SLFN12L: variants seen among roughly 807,000 people sequenced by gnomAD.
The protein encoded by SLFN12L is schlafen family member 12 like.
A neutral mutation model predicts 34.8 loss-of-function variants in SLFN12L; 34 were observed. The observed-to-expected ratio is 0.98, with a 90% CI of 0.74 to 1.30. The LOEUF (loss-of-function observed/expected upper bound fraction) is 1.30. Among genes scored for constraint, SLFN12L ranks in the 50% most tolerant of loss-of-function variants. The probability of loss-of-function intolerance (pLI) is 0.00; values close to 1 mark genes in which losing one functional copy is unlikely to be tolerated. For synonymous variants in SLFN12L, 259 were observed against 247.5 expected, an observed-to-expected ratio of 1.05 and a Z score of -0.44; for missense variants, 703 against 696.2, an observed-to-expected ratio of 1.01 and a Z score of -0.11.
chr17:35,513,448 C>G (rs1915719598), intron 2 of SLFN12L, among the ~76,000 whole-genome samples: 1 of 152,188 alleles, frequency 6.6e-6, no homozygotes, highest in South Asian at 2.1e-4. Flanking sequence ...TAGGAAAAGT[C>G]TTTGGGATCT....
At position 35,479,634 on chromosome 17, in the gene SLFN12L, T is replaced by C. The variant is rs767141704; in HGVS notation, c.648A>G (p.Glu216=). 1.1e-4 allele frequency: 175 copies of C among 1,611,058 alleles called. No homozygotes were observed. Among genetic ancestry groups the C allele is most frequent in the Non-Finnish European group, 1.4e-4 (166 of 1,178,506 alleles). ...AKRACVDVQE[E]SNMEALAADF... is the part of the protein sequence containing the mutation. Reference sequence around the variant, plus strand: ...CAGCAGCCAAGGCTTCCATGTTACTTTCTTCTTGTACATCAACACAGGCCC... The same window carrying C: ...CAGCAGCCAAGGCTTCCATGTTACTCTCTTCTTGTACATCAACACAGGCCC... The change falls in exon 3 of 5, where the codon GAA becomes GAG. Residue 216 remains glutamate (E), a synonymous_variant. Coordinates refer to ENST00000628453, the MANE Select transcript of SLFN12L (RefSeq NM_001363830.2).
At chr17:35,534,415 A>G (rs926023990) in intron 1 of SLFN12L, among the ~76,000 whole-genome samples, 4 of 152,310 alleles carry the variant, frequency 2.6e-5, no homozygotes, top group South Asian at 2.1e-4. Context: ...AGGAAGACAC[A>G]GCATCAGATG....
In SLFN12L at chr17:35,487,259, G is replaced by T. The variant is rs935794305; in HGVS notation, c.87-7064C>A. On this transcript the variant is annotated intron_variant, in intron 2 of 4. Coordinates refer to ENST00000628453, the MANE Select transcript of SLFN12L (RefSeq NM_001363830.2). ...CCCGGCCGCCCTGCGGCTTTTTAAG[G>T]CGCTCCCCAGCCCACGCACGGGCGG... Among the ~76,000 whole-genome samples the T allele has an allele frequency of 1.2e-4, 19 of 152,384 alleles. No homozygotes were observed. The East Asian group carries it at 3.7e-3, about 29-fold the overall frequency.
At chr17:35,502,913 A>C (rs1316470022) in intron 2 of SLFN12L, among the ~76,000 whole-genome samples, 1 of 152,244 alleles carries the variant, frequency 6.6e-6, no homozygotes, top group Non-Finnish European at 1.5e-5. Flanking sequence ...GGTTGTTTAA[A>C]GAAAGAAATG....
rs941558682 is a variant in SLFN12L, at chr17:35,470,987, G to A, written c.*3936C>T. Among the ~76,000 whole-genome samples the A allele has an allele frequency of 6.6e-6, 1 of 152,094 alleles. No homozygotes were observed. The highest frequency in any genetic ancestry group is 2.4e-5 in the African/African-American group (1 of 41,414). On this transcript the variant is annotated 3_prime_UTR_variant, in exon 5 of 5. Transcript: ENST00000628453. ...TCATCCATGTCCCTGCAAAGGTCAT[G>A]ATCTCATTCCTTTTTATGGCTGCAC...
Position 35,479,707 on chromosome 17 carries a change from T to C in SLFN12L, c.575A>G (p.Glu192Gly). 1 of 1,614,076 alleles carries C rather than the reference T, an allele frequency of 6.2e-7. No individual in the cohort carries two copies. The highest frequency in any genetic ancestry group is 8.5e-7 in the Non-Finnish European group (1 of 1,179,970). ...TAAATATGCTCTCCCTCCAGTTTTT[T>C]CCATGTCTTTGAGGAACTCCAGTGC... is the stretch of plus-strand genomic sequence containing the variant. ...SAALEFLKDM[E>G]KTGGRAYLRP... is the part of the protein sequence containing the mutation. Residue 192 changes from glutamate (E) to glycine (G), a missense_variant, in exon 3 of 5, where the codon GAA becomes GGA. By Grantham distance (98) the Glu-to-Gly change is moderately conservative. Transcript: ENST00000628453.
intron 2 of SLFN12L, chr17:35,490,241 A>T (rs1298157622): frequency 3.9e-6 from 6 of 1,551,680 alleles, no homozygotes; most frequent in Non-Finnish European, 5.3e-6. Flanking sequence ...GCTAGGAGAA[A>T]GCGGTCATCA....
chr17:35,496,669 TTC>T (rs1249499718), intron 2 of SLFN12L, among the ~76,000 whole-genome samples: 1 of 152,154 alleles, frequency 6.6e-6, no homozygotes, highest in Non-Finnish European at 1.5e-5. Context: ...GGCGTCTGTC[TTC>T]GCGGTGGCAG....
chr17:35,520,468 G>T (rs548629017), intron 2 of SLFN12L, among the ~76,000 whole-genome samples: 1 of 152,298 alleles, frequency 6.6e-6, no homozygotes, highest in East Asian at 1.9e-4. Context: ...CTACTGGCTG[G>T]GCACGATGGC....
chr17:35,487,889 A>G (rs1022880846), intron 2 of SLFN12L: 6 of 826,524 alleles, frequency 7.3e-6, no homozygotes, highest in Non-Finnish European at 1.2e-5. Flanking sequence ...GCTGTTATCG[A>G]CTCTGCGCCT....
At chr17:35,488,549 G>T (rs1246427716) in intron 2 of SLFN12L, among the ~76,000 whole-genome samples, 1 of 152,082 alleles carries the variant, frequency 6.6e-6, no homozygotes, top group East Asian at 1.9e-4. Flanking sequence ...GATAATACAC[G>T]TTTCTCCAGC....
At chr17:35,531,977 T>C (rs1302769249) in intron 1 of SLFN12L, among the ~76,000 whole-genome samples, 1 of 152,078 alleles carries the variant, frequency 6.6e-6, no homozygotes, top group Non-Finnish European at 1.5e-5. Context: ...TTATTTTGTA[T>C]GAAATAGAAA....
At position 35,469,303 on chromosome 17, in the gene SLFN12L, A is replaced by AT. The variant is rs1567635844; in HGVS notation, c.*5619_*5620insA. On this transcript the variant is annotated 3_prime_UTR_variant, in exon 5 of 5. Coordinates refer to ENST00000628453, the MANE Select transcript of SLFN12L (RefSeq NM_001363830.2). ...GTTTTATATAAAATATATATATATAAAATATATATATATTATATATATAAA... is the reference window on the plus strand; with the variant it reads ...GTTTTATATAAAATATATATATATAATAATATATATATATTATATATATAAA... Among the ~76,000 whole-genome samples, 877 of 135,764 alleles carry AT rather than the reference A, an allele frequency of 6.5e-3. 10 individuals carry two copies. The highest frequency in any genetic ancestry group is 0.024 in the African/African-American group (830 of 34,778). The allele number at this position is 135,764 out of a possible 152,430, so 89.1% of individuals were successfully genotyped here. A position where few individuals can be genotyped will look rare whatever the true frequency, so the allele number is the denominator to read the frequency against.
At chr17:35,535,529 C>T (rs1270304218) in intron 1 of SLFN12L, among the ~76,000 whole-genome samples, 1 of 150,752 alleles carries the variant, frequency 6.6e-6, no homozygotes, top group African/African-American at 2.4e-5. Flanking sequence ...CTCTGTCATC[C>T]AGGCTGGAGT....
chr17:35,466,944 C>T lies in SLFN12L; in HGVS notation c.*7979G>A, dbSNP rs1470319531. On this transcript the variant is annotated 3_prime_UTR_variant, in exon 5 of 5. Coordinates refer to ENST00000628453, the MANE Select transcript of SLFN12L (RefSeq NM_001363830.2). ...TCTGTGACCCTCCATACCTGGCTAC[C>T]TGTTATGCTTTCAGTCATGGAAACA... 6.6e-6 allele frequency among the ~76,000 whole-genome samples: 1 copy of T among 152,206 alleles called. No homozygotes were observed. Among genetic ancestry groups the T allele is most frequent in the Non-Finnish European group, 1.5e-5 (1 of 68,036 alleles).
At chr17:35,509,821 C>T (rs1915580504) in intron 2 of SLFN12L, among the ~76,000 whole-genome samples, 1 of 151,982 alleles carries the variant, frequency 6.6e-6, no homozygotes, top group Non-Finnish European at 1.5e-5. Flanking sequence ...CCTCAGCCTC[C>T]CGAGTAGCTG....
chr17:35,476,106 G>A (rs925427463), intron 4 of SLFN12L, among the ~76,000 whole-genome samples: 3 of 151,972 alleles, frequency 2.0e-5, no homozygotes, highest in Non-Finnish European at 4.4e-5. Flanking sequence ...CACAGCATGG[G>A]TAAATAGAGC....
chr17:35,520,879 T>C (rs1004362987), intron 2 of SLFN12L, among the ~76,000 whole-genome samples: 2 of 152,140 alleles, frequency 1.3e-5, no homozygotes, highest in Non-Finnish European at 2.9e-5. Context: ...GCTGAATATA[T>C]ATACTGCCCA....
intron 2 of SLFN12L, among the ~76,000 whole-genome samples, chr17:35,518,281 G>A (rs1915894100): frequency 6.6e-6 from 1 of 152,194 alleles, no homozygotes; most frequent in Admixed American, 6.5e-5. Context: ...ACCAGGTGTG[G>A]TGGCCCACGC....
Sources: allele counts gnomAD v4.1 joint callset (sites outside exome capture counted in the v4.1 genomes callset), GRCh38; gene constraint gnomAD v4.1.1; transcripts MANE v1.5; gene names NCBI Gene and HGNC (gene_info 2026-07-23, HGNC 2026-07-21).